WNK1: variants seen among roughly 807,000 people sequenced by gnomAD.
WNK1 encodes WNK lysine deficient protein kinase 1.
Under a neutral mutation model 222.8 loss-of-function variants are expected in WNK1, and 38 were observed. The observed-to-expected ratio is 0.17, with a 90% CI of 0.13 to 0.22. The LOEUF is 0.22. WNK1 is among the 10% of genes least tolerant of loss of function. The pLI is 1.00. For missense variants in WNK1, 2,348 were observed against 2,918.4 expected (o/e 0.80, Z 4.50); for synonymous variants, 1,090 against 1,092.9 (o/e 1.00, Z 0.05).
chr12:894,733 C>A, intron 23 of WNK1, 98 bp downstream of exon 23: 2 of 1,087,938 alleles, frequency 1.8e-6, no homozygotes, highest in South Asian at 2.5e-5. Flanking sequence ...AATTGCCAGT[C>A]TAGTGATTTC....
chr12:797,721 G>A lies in WNK1; in HGVS notation c.760-15921G>A, dbSNP rs192982362. On this transcript the variant is annotated intron_variant, in intron 1 of 27. Transcript: ENST00000315939. ...AGCACTTTCGGAGGCCGAGGCAGGT[G>A]GATCACTGGAGGTCAAGAGTTCGAG... Among the ~76,000 whole-genome samples, 284 of 152,076 alleles carry A rather than the reference G, an allele frequency of 1.9e-3. 1 individual carries two copies. Among genetic ancestry groups the A allele is most frequent in the African/African-American group, 6.2e-3 (257 of 41,456 alleles).
chr12:850,656 C>T (rs1175321062), intron 4 of WNK1, among the ~76,000 whole-genome samples: 2 of 152,194 alleles, frequency 1.3e-5, no homozygotes, highest in East Asian at 3.8e-4. Context: ...TGCCTATGTC[C>T]TGAATGGTAC....
intron 25 of WNK1, among the ~76,000 whole-genome samples, 168 bp from the exon 26 acceptor site, chr12:900,308 C>T (rs1416926346): frequency 6.6e-6 from 1 of 152,164 alleles, no homozygotes; most frequent in Non-Finnish European, 1.5e-5. Context: ...GTCTTAGTGT[C>T]ATTCCTCACT....
rs2277869 is a variant in WNK1, at chr12:907,744, T to C, written c.6644-103T>C. ...TGCATGGCTTCCCAGTTCATCCTCT[T>C]CTCATTCTGTGGCTTGCCATTCATC... is the stretch of plus-strand genomic sequence containing the variant. On this transcript the variant is annotated intron_variant, in intron 26 of 27. Coordinates refer to ENST00000315939, the MANE Select transcript of WNK1 (RefSeq NM_018979.4). 217,304 of 1,360,380 alleles carry C rather than the reference T, an allele frequency of 0.16. 17,777 individuals carry two copies. Among genetic ancestry groups the C allele is most frequent in the Admixed American group, 0.21 (12,471 of 59,652 alleles). 84.3% of individuals were successfully genotyped at this position (1,360,380 alleles called of 1,614,324 possible). A position where few individuals can be genotyped will look rare whatever the true frequency, so the allele number is the denominator to read the frequency against.
At chr12:838,393 T>C (rs779768542) in intron 4 of WNK1, among the ~76,000 whole-genome samples, 1 of 152,068 alleles carries the variant, frequency 6.6e-6, no homozygotes, top group Non-Finnish European at 1.5e-5. Context: ...CTCTTCATAT[T>C]CTTGCCAATC....
rs1034376066 is a variant in WNK1 at position 884,379 on chromosome 12, G to A, written c.3844+136G>A. The A allele has an allele frequency of 1.5e-6, 2 of 1,368,906 alleles. No individual in the cohort carries two copies. The highest frequency in any genetic ancestry group is 1.4e-5 in the African/African-American group (1 of 69,106). 84.8% of individuals were successfully genotyped at this position (1,368,906 alleles called of 1,614,324 possible). ...TAGAAAACTGAAGTTATAACCAACA[G>A]ATAAACATATGGGAGAGGGAAATAG... On this transcript the variant is annotated intron_variant, in intron 18 of 27. Coordinates refer to ENST00000315939, the MANE Select transcript of WNK1 (RefSeq NM_018979.4). This position sits in a 1 kb window ranked among gnomAD's most constrained non-coding sequence, Gnocchi z 5.6.
At position 767,014 on chromosome 12, in the gene WNK1, C is replaced by T. The variant is rs140950905; in HGVS notation, c.759+12690C>T. On this transcript the variant is annotated intron_variant, in intron 1 of 27. Coordinates refer to ENST00000315939, the MANE Select transcript of WNK1 (RefSeq NM_018979.4). Reference sequence around the variant, plus strand: ...CTGATCTTGAACTCCTGACCTCAAGCGGTCTGCCCACCTGGGCCTCCCAAA... The same window carrying T: ...CTGATCTTGAACTCCTGACCTCAAGTGGTCTGCCCACCTGGGCCTCCCAAA... Among the ~76,000 whole-genome samples the T allele has an allele frequency of 4.3e-3, 659 of 152,008 alleles. 7 individuals carry two copies. Among genetic ancestry groups the T allele is most frequent in the African/African-American group, 0.015 (631 of 41,452 alleles).
chr12:767,823 C>G (rs1941961723), intron 1 of WNK1, among the ~76,000 whole-genome samples: 1 of 152,154 alleles, frequency 6.6e-6, no homozygotes, highest in Admixed American at 6.5e-5. Context: ...TACTTCTACA[C>G]ACCTCTTACC....
intron 1 of WNK1, among the ~76,000 whole-genome samples, chr12:767,465 C>G (rs1941907576): frequency 6.6e-6 from 1 of 151,610 alleles, no homozygotes; most frequent in Non-Finnish European, 1.5e-5. Context: ...ATTGGTCGGG[C>G]TGGTCTCAAA....
rs1469789866 is a variant in WNK1, at chr12:868,082, C to T, written c.2140-3183C>T. 3.7e-6 allele frequency: 6 copies of T among 1,613,896 alleles called. No homozygotes were observed. Among genetic ancestry groups the T allele is most frequent in the African/African-American group, 2.7e-5 (2 of 74,918 alleles). On this transcript the variant is annotated intron_variant, in intron 8 of 27. Coordinates refer to ENST00000315939, the MANE Select transcript of WNK1 (RefSeq NM_018979.4). Reference sequence around the variant, plus strand: ...GAGGACTGTTGGCCAAAGTCTTCTTCCACCTGGTGGCAGCCCAACTAACTG... The same window carrying T: ...GAGGACTGTTGGCCAAAGTCTTCTTTCACCTGGTGGCAGCCCAACTAACTG...
At chr12:851,305 T>C (rs1460454153) in intron 4 of WNK1, 1 of 947,120 alleles carries the variant, frequency 1.1e-6, no homozygotes, top group East Asian at 1.1e-4. Context: ...AATGGGTTTC[T>C]AGTGTACATA....
At chr12:775,909 G>A (rs1943029737) in intron 1 of WNK1, among the ~76,000 whole-genome samples, 1 of 152,136 alleles carries the variant, frequency 6.6e-6, no homozygotes, top group Admixed American at 6.6e-5. Context: ...CGTAGAAGTG[G>A]CAGTGGAGCC....
At chr12:853,911 C>T (rs1950581244) in intron 4 of WNK1, among the ~76,000 whole-genome samples, 1 of 151,936 alleles carries the variant, frequency 6.6e-6, no homozygotes, top group Non-Finnish European at 1.5e-5. Context: ...GCCGCCACAC[C>T]CCACTAGTTT....
At chr12:759,900 A>G (rs545712338) in intron 1 of WNK1, among the ~76,000 whole-genome samples, 3 of 148,350 alleles carry the variant, frequency 2.0e-5, no homozygotes, top group South Asian at 4.4e-4. Context: ...CATGTAGGAT[A>G]GGGCCTGCCA....
chr12:793,930 C>T (rs749368808), intron 1 of WNK1, among the ~76,000 whole-genome samples: 12 of 152,282 alleles, frequency 7.9e-5, no homozygotes, highest in Non-Finnish European at 1.6e-4. Context: ...CCCCTCAACT[C>T]TTCCAGTTGT....
chr12:882,112 G>T, intron 14 of WNK1, 39 bp downstream of exon 14: 1 of 1,566,654 alleles, frequency 6.4e-7, no homozygotes, highest in Admixed American at 1.9e-5. Flanking sequence ...GTTGTTAAAG[G>T]AATTTGACAC....
At chr12:818,904 A>G (rs551202487) in intron 2 of WNK1, among the ~76,000 whole-genome samples, 1 of 152,320 alleles carries the variant, frequency 6.6e-6, no homozygotes, top group Non-Finnish European at 1.5e-5. Context: ...CCTTTTGGCT[A>G]TTATGAGTAC....
At chr12:887,803 GGGGTGATGTTTCAT>G (rs1953815530) in intron 20 of WNK1, among the ~76,000 whole-genome samples, 2 of 152,148 alleles carry the variant, frequency 1.3e-5, no homozygotes, top group South Asian at 4.2e-4. Flanking sequence ...GGTAGGTATA[GGGGTGATGTTTCAT>G]GAAAACTATG....
chr12:862,014 A>C, intron 7 of WNK1, 69 bp from the exon 8 acceptor site: 1 of 1,589,428 alleles, frequency 6.3e-7, no homozygotes, highest in Non-Finnish European at 8.6e-7. Flanking sequence ...AATATGAGAA[A>C]ATGTGAACCT....
Sources: gnomAD v4.1 joint callset for allele counts (sites outside exome capture counted in the v4.1 genomes callset) on GRCh38, gnomAD v4.1.1 for gene constraint, Gnocchi (gnomAD v3.1) non-coding constraint, MANE v1.5 for transcripts, NCBI Gene and HGNC (gene_info 2026-07-23, HGNC 2026-07-21) for gene names.